The following RPS6KC1 variants were observed in gnomAD, a reference collection of about 807,000 sequenced individuals.
The protein encoded by RPS6KC1 is inactive ribosomal protein S6 kinase delta-1.
In RPS6KC1, 54 loss-of-function variants were observed where a neutral mutation model predicts 103.8. The observed-to-expected ratio is 0.52, with a 90% CI of 0.42 to 0.65. The LOEUF (loss-of-function observed/expected upper bound fraction) is 0.65, where lower values mean the gene tolerates loss of function less well. Among genes scored for constraint, RPS6KC1 ranks in the 30% least tolerant of loss-of-function variants. RPS6KC1 has a pLI of 0.00. For missense variants in RPS6KC1, 1,151 were observed against 1,253.8 expected (o/e 0.92, Z 1.24); for synonymous variants, 439 against 438.7 (o/e 1.00, Z -0.01).
chr1:213,053,005 C>T (rs1300360014), intron 1 of RPS6KC1, among the ~76,000 whole-genome samples: 10 of 152,120 alleles, frequency 6.6e-5, no homozygotes, highest in Admixed American at 2.6e-4. Flanking sequence ...GATTGCTGTT[C>T]GGAGAATAGA....
At chr1:213,073,642 T>A (rs902746230) in intron 2 of RPS6KC1, among the ~76,000 whole-genome samples, 2 of 151,972 alleles carry the variant, frequency 1.3e-5, no homozygotes, top group Admixed American at 6.5e-5. Flanking sequence ...AATCCTTTTT[T>A]AAAAAATAGT....
chr1:213,493,102 G>C, the RPS6KC1 span, among the ~76,000 whole-genome samples: 1 of 152,164 alleles, frequency 6.6e-6, no homozygotes. Context: ...TAATATATGA[G>C]AGCCTGGTTC....
the RPS6KC1 span, among the ~76,000 whole-genome samples, chr1:213,302,525 G>C: frequency 6.6e-6 from 1 of 152,186 alleles, no homozygotes; most frequent in Non-Finnish European, 1.5e-5. Context: ...AAGATATCTA[G>C]TCCAAAGCGC....
chr1:213,665,347 TAGAA>T, the RPS6KC1 span, among the ~76,000 whole-genome samples: 2 of 151,742 alleles, frequency 1.3e-5, no homozygotes, highest in African/African-American at 4.8e-5. Context: ...AAAAAATCAA[TAGAA>T]AGGTAGACAA....
intron 8 of RPS6KC1, among the ~76,000 whole-genome samples, chr1:213,205,649 G>C (rs1375188109): frequency 6.8e-6 from 1 of 146,930 alleles, no homozygotes; most frequent in Non-Finnish European, 1.5e-5. Flanking sequence ...ATCATCTTAA[G>C]GACTTCATCT....
chr1:213,619,577 T>C, the RPS6KC1 span, among the ~76,000 whole-genome samples: 1 of 152,172 alleles, frequency 6.6e-6, no homozygotes. Context: ...ATCTCACTAA[T>C]TCAGCCTTGG....
chr1:213,552,522 A>G, the RPS6KC1 span, among the ~76,000 whole-genome samples: 2 of 152,172 alleles, frequency 1.3e-5, no homozygotes, highest in African/African-American at 2.4e-5. Context: ...TTGGTGAGGT[A>G]TCTGTTCATT....
Position 213,059,486 on chromosome 1 carries a change from T to TGTGTATGGG in RPS6KC1, c.105+7978_105+7986dup, listed in dbSNP as rs1395674231. On this transcript the variant is annotated intron_variant, in intron 1 of 14. Transcript: ENST00000366960. ...AGTATAATTTTCACGGTAGAGTTTT[T>TGTGTATGGG]GTGTATGGGAGGCTGCATGTTTTAT... 2.0e-5 allele frequency among the ~76,000 whole-genome samples: 3 copies of TGTGTATGGG among 152,248 alleles called. No individual in the cohort carries two copies. The East Asian group carries it at 5.8e-4, about 29-fold the overall frequency.
chr1:213,436,674 A>G, the RPS6KC1 span, among the ~76,000 whole-genome samples: 1 of 152,170 alleles, frequency 6.6e-6, no homozygotes, highest in East Asian at 1.9e-4. Context: ...GACATTCTCT[A>G]ACTCTTCTCA....
the RPS6KC1 span, among the ~76,000 whole-genome samples, chr1:213,342,857 C>A: frequency 6.6e-6 from 1 of 152,042 alleles, no homozygotes; most frequent in Non-Finnish European, 1.5e-5. Flanking sequence ...AGGACTTAAA[C>A]ATTTTTTTGG....
chr1:213,529,902 A>C, the RPS6KC1 span, among the ~76,000 whole-genome samples: 1 of 152,134 alleles, frequency 6.6e-6, no homozygotes, highest in African/African-American at 2.4e-5. Context: ...ATTTTGCTTG[A>C]GATTGGGAGA....
Position 213,129,682 on chromosome 1 carries a change from G to A in RPS6KC1, c.628G>A (p.Asp210Asn). 6.2e-7 allele frequency: 1 copy of A among 1,613,996 alleles called. No homozygotes were observed. The highest frequency in any genetic ancestry group is 1.7e-5 in the Admixed American group (1 of 59,994). The change falls in exon 6 of 15, where the codon GAC (aspartate) becomes AAC (asparagine). Residue 210 changes from aspartate to asparagine, a missense_variant. By Grantham distance (23) the Asp-to-Asn change is conservative. Transcript: ENST00000366960. ...TTCAGCACTAGGGGCTGTTGCTTCTGACAGTGAACAGAGCAAAACAGAAGA... is the reference window on the plus strand; with the variant it reads ...TTCAGCACTAGGGGCTGTTGCTTCTAACAGTGAACAGAGCAAAACAGAAGA... The part of the protein sequence containing the change: ...DSSALGAVAS[D>N]SEQSKTEEER...
the RPS6KC1 span, among the ~76,000 whole-genome samples, chr1:213,824,476 C>G: frequency 1.3e-5 from 2 of 152,166 alleles, no homozygotes; most frequent in East Asian, 3.9e-4. Flanking sequence ...AAAATCACAT[C>G]GCCTGCACTG....
chr1:213,258,746 A>C (rs2094710848), intron 12 of RPS6KC1, among the ~76,000 whole-genome samples: 1 of 152,232 alleles, frequency 6.6e-6, no homozygotes, highest in Non-Finnish European at 1.5e-5. Flanking sequence ...ATATTTTATG[A>C]TAGAACTATG....
chr1:213,582,278 T>G, the RPS6KC1 span, among the ~76,000 whole-genome samples: 17,773 of 152,072 alleles, frequency 0.12, 1,156 homozygotes, highest in South Asian at 0.19. Context: ...TTAAATCCTC[T>G]GTGTTATAAC....
chr1:213,361,823 A>G, the RPS6KC1 span, among the ~76,000 whole-genome samples: 154 of 152,302 alleles, frequency 1.0e-3, 2 homozygotes, highest in East Asian at 2.3e-3. Flanking sequence ...CAAGCTGGCT[A>G]TGGCGTCTTT....
the RPS6KC1 span, among the ~76,000 whole-genome samples, chr1:213,704,303 C>T: frequency 7.6e-4 from 108 of 141,396 alleles, no homozygotes; most frequent in East Asian, 0.021. Context: ...AGGAGAATGG[C>T]GTGAACCCCA....
At chr1:213,435,229 T>TA in the RPS6KC1 span, among the ~76,000 whole-genome samples, 2 of 152,316 alleles carry the variant, frequency 1.3e-5, no homozygotes, top group East Asian at 3.9e-4. Context: ...ATTTATCTTT[T>TA]AAAAAATATC....
intron 8 of RPS6KC1, among the ~76,000 whole-genome samples, chr1:213,189,215 G>A (rs1360836265): frequency 6.6e-6 from 1 of 152,054 alleles, no homozygotes; most frequent in African/African-American, 2.4e-5. Flanking sequence ...TTGAGAGGCC[G>A]AAGTGGGTGG....
Sources: allele counts gnomAD v4.1 joint callset (sites outside exome capture counted in the v4.1 genomes callset), GRCh38; gene constraint gnomAD v4.1.1; transcripts MANE v1.5; gene names NCBI Gene and HGNC (gene_info 2026-07-23, HGNC 2026-07-21).